Variants in TMEM30A observed in about 807,000 individuals in gnomAD.
The protein encoded by TMEM30A is cell cycle control protein 50A.
In TMEM30A, 24 loss-of-function variants were observed where a neutral mutation model predicts 38.2. The ratio of observed to expected loss-of-function variants is 0.63; its 90% CI spans 0.46 to 0.88. TMEM30A has a LOEUF of 0.88. Ranked by LOEUF, TMEM30A falls within the 40% of genes least tolerant of loss-of-function variation. The pLI is 0.00. For synonymous variants in TMEM30A, 145 were observed against 161.6 expected (o/e 0.90, Z 0.78); for missense variants, 370 against 458.6 (o/e 0.81, Z 1.77).
chr6:75,276,397 T>A (rs1381213935), intron 1 of TMEM30A, among the ~76,000 whole-genome samples: 1 of 152,222 alleles, frequency 6.6e-6, no homozygotes, highest in Non-Finnish European at 1.5e-5. Flanking sequence ...AATTGGCATC[T>A]AAAGTGAGAG....
chr6:75,259,696 A>T (rs928822950), intron 4 of TMEM30A, among the ~76,000 whole-genome samples: 1 of 152,204 alleles, frequency 6.6e-6, no homozygotes, highest in African/African-American at 2.4e-5. Flanking sequence ...CCTTTAACAG[A>T]GTTCTAATTC....
At chr6:75,270,582 C>T (rs1772148789) in intron 1 of TMEM30A, among the ~76,000 whole-genome samples, 1 of 152,154 alleles carries the variant, frequency 6.6e-6, no homozygotes, top group Non-Finnish European at 1.5e-5. Context: ...AAAGGGACCT[C>T]ACTAGGAGCT....
chr6:75,261,689 C>G (rs1771967702), intron 3 of TMEM30A, among the ~76,000 whole-genome samples: 1 of 152,146 alleles, frequency 6.6e-6, no homozygotes, highest in African/African-American at 2.4e-5. Context: ...CCAAGATAAT[C>G]TCAATTTGAA....
rs1418539897 is a variant in TMEM30A at position 75,256,291 on chromosome 6, G to A, written c.897C>T (p.Tyr299=). 6.2e-7 allele frequency: 1 copy of A among 1,611,520 alleles called. No individual in the cohort carries two copies. The highest frequency in any genetic ancestry group is 8.5e-7 in the Non-Finnish European group (1 of 1,178,418). The change falls in exon 7 of 7, where the codon TAC becomes TAT. Residue 299 remains tyrosine, a synonymous_variant. Coordinates refer to ENST00000230461, the MANE Select transcript of TMEM30A (RefSeq NM_018247.4). ...GRYSLNVTYN[Y]PVHYFDGRKR... is the part of the protein sequence containing the mutation. ...TTCGTCCATCAAAATAATGTACAGG[G>A]TAATCTGAAGAGGGTATAGGAAGAT...
rs1199850969 is a variant in TMEM30A at position 75,259,197 on chromosome 6, A to C, written c.685+150T>G. On this transcript the variant is annotated intron_variant, in intron 5 of 6. Coordinates refer to ENST00000230461, the MANE Select transcript of TMEM30A (RefSeq NM_018247.4). ...TACATTTCCTTTAGAATTTTAGTAC[A>C]TTAGAACATTTACCTAACTTGGTAT... 3 of 919,976 alleles carry C rather than the reference A, an allele frequency of 3.3e-6. No homozygotes were observed. The African/African-American group carries it at 5.0e-5, about 15-fold the overall frequency. 57.0% of individuals were successfully genotyped at this position (919,976 alleles called of 1,614,324 possible).
At chr6:75,275,283 C>T (rs1377442797) in intron 1 of TMEM30A, among the ~76,000 whole-genome samples, 1 of 152,108 alleles carries the variant, frequency 6.6e-6, no homozygotes, top group African/African-American at 2.4e-5. Flanking sequence ...GGCCTTTATA[C>T]ACCATCTATG....
chr6:75,284,261 G>A (rs1772417257), intron 1 of TMEM30A, 141 bp downstream of exon 1: 3 of 781,008 alleles, frequency 3.8e-6, no homozygotes, highest in East Asian at 2.6e-5. Flanking sequence ...AGAAAAAACA[G>A]AGAAACAGAG....
rs1582290749 is a variant in TMEM30A at position 75,284,756 on chromosome 6, C to T, written c.-118G>A. On this transcript the variant is annotated 5_prime_UTR_variant, in exon 1 of 7. Coordinates refer to ENST00000230461, the MANE Select transcript of TMEM30A (RefSeq NM_018247.4). ...GCCGCCGCCGCCGCAGCCACCAGCG[C>T]CACCGCCACAGCCACCTCCGCTGTA... is the stretch of plus-strand genomic sequence containing the variant. 6.4e-6 allele frequency: 6 copies of T among 931,332 alleles called. No homozygotes were observed. The Admixed American group carries it at 1.1e-4, about 17-fold the overall frequency. 57.7% of individuals were successfully genotyped at this position (931,332 alleles called of 1,614,324 possible).
intron 1 of TMEM30A, among the ~76,000 whole-genome samples, chr6:75,281,469 G>GA (rs577531003): frequency 1.3e-5 from 2 of 152,088 alleles, no homozygotes; most frequent in African/African-American, 4.8e-5. Flanking sequence ...TTAGATTATT[G>GA]AAAATCTAAA....
At chr6:75,258,678 C>G in intron 6 of TMEM30A, 102 bp downstream of exon 6, 2 of 1,027,386 alleles carry the variant, frequency 1.9e-6, no homozygotes, top group Non-Finnish European at 2.9e-6. Flanking sequence ...AATGCAGAGA[C>G]CAAAACTAAA....
intron 4 of TMEM30A, among the ~76,000 whole-genome samples, chr6:75,259,698 T>C (rs1451732577): frequency 6.6e-6 from 1 of 152,232 alleles, no homozygotes; most frequent in African/African-American, 2.4e-5. Context: ...TTTAACAGAG[T>C]TCTAATTCAG....
At chr6:75,264,406 A>G (rs1002487882) in intron 3 of TMEM30A, among the ~76,000 whole-genome samples, 1 of 151,876 alleles carries the variant, frequency 6.6e-6, no homozygotes, top group Admixed American at 6.6e-5. Context: ...AAGGCCGAGG[A>G]GGGCAGATCA....
At chr6:75,256,519 A>C (rs936802498) in intron 6 of TMEM30A, among the ~76,000 whole-genome samples, 2 of 152,166 alleles carry the variant, frequency 1.3e-5, no homozygotes, top group Admixed American at 6.6e-5. Flanking sequence ...ATATTTTACC[A>C]AAACAAATAA....
In TMEM30A at chr6:75,253,352, A is replaced by T. The variant is rs1035275249; in HGVS notation, c.*2750T>A. 1.3e-5 allele frequency: 2 copies of T among 152,120 alleles called. No individual in the cohort carries two copies. Among genetic ancestry groups the T allele is most frequent in the African/African-American group, 4.8e-5 (2 of 41,414 alleles). The allele number at this position is 152,120 out of a possible 1,614,324, so 9.4% of individuals were successfully genotyped here. ...CTCTGTTTACTGGACATTCCCCTTG[A>T]TCTAATACCAAACTTAGCCAGTCTA... is the stretch of plus-strand genomic sequence containing the variant. On this transcript the variant is annotated 3_prime_UTR_variant, in exon 7 of 7. Coordinates refer to ENST00000230461, the MANE Select transcript of TMEM30A (RefSeq NM_018247.4).
intron 2 of TMEM30A, 61 bp downstream of exon 2, chr6:75,267,580 A>T: frequency 8.6e-7 from 1 of 1,168,940 alleles, no homozygotes; most frequent in Non-Finnish European, 1.2e-6. Context: ...AAAGACATTT[A>T]GTACAGTATC....
chr6:75,258,656 T>C lies in TMEM30A; in HGVS notation c.892+124A>G, dbSNP rs147173752. ...AATACATTCTCACATATACCACACA[T>C]ACTTTTGTAAAAATGCAGAGACCAA... On this transcript the variant is annotated intron_variant, in intron 6 of 6. Transcript: ENST00000230461. The C allele has an allele frequency of 3.8e-4, 297 of 773,742 alleles. No homozygotes were observed. Among genetic ancestry groups the C allele is most frequent in the Middle Eastern group, 1.1e-3 (3 of 2,670 alleles). The allele number at this position is 773,742 out of a possible 1,614,324, so 47.9% of individuals were successfully genotyped here.
intron 1 of TMEM30A, among the ~76,000 whole-genome samples, chr6:75,281,286 A>G (rs1772352448): frequency 6.6e-6 from 1 of 152,174 alleles, no homozygotes; most frequent in Non-Finnish European, 1.5e-5. Context: ...CTCACCAACA[A>G]GGGTCCTAGA....
rs1193939638 is a variant in TMEM30A, at chr6:75,254,978, A to G, written c.*1124T>C. 6.6e-6 allele frequency: 1 copy of G among 152,524 alleles called. No homozygotes were observed. The highest frequency in any genetic ancestry group is 1.5e-5 in the Non-Finnish European group (1 of 67,954). The allele number at this position is 152,524 out of a possible 1,614,324, so 9.4% of individuals were successfully genotyped here. A position where few individuals can be genotyped will look rare whatever the true frequency, so the allele number is the denominator to read the frequency against. On this transcript the variant is annotated 3_prime_UTR_variant, in exon 7 of 7. Transcript: ENST00000230461. Reference sequence around the variant, plus strand: ...CAAAATCCCCATAATTTAATTAGGAAATTTATAGAACATCTTTTTAAAGTA... The same window carrying G: ...CAAAATCCCCATAATTTAATTAGGAGATTTATAGAACATCTTTTTAAAGTA...
Position 75,267,741 on chromosome 6 carries a change from T to C in TMEM30A, c.245A>G (p.Tyr82Cys), listed in dbSNP as rs760992871. The stretch of plus-strand genomic sequence containing the variant: ...GGGACTGGAAGGCTCTGTTCCGGTA[T>C]AATCAATCTGCAAGAGAAAAATATA... The part of the protein sequence containing the change: ...SNNIREIEID[Y>C]TGTEPSSPCN... Residue 82 changes from tyrosine to cysteine, a missense_variant, in exon 2 of 7, where the codon TAT becomes TGT. Transcript: ENST00000230461. 9 of 1,593,792 alleles carry C rather than the reference T, an allele frequency of 5.6e-6. No homozygotes were observed. Among genetic ancestry groups the C allele is most frequent in the Non-Finnish European group, 7.7e-6 (9 of 1,170,534 alleles).
Sources: gnomAD v4.1 joint callset for allele counts (sites outside exome capture counted in the v4.1 genomes callset) on GRCh38, gnomAD v4.1.1 for gene constraint, MANE v1.5 for transcripts, NCBI Gene and HGNC (gene_info 2026-07-23, HGNC 2026-07-21) for gene names.